The following SORCS3 variants were observed in gnomAD, a reference collection of about 807,000 sequenced individuals.
The protein encoded by SORCS3 is sortilin related VPS10 domain containing receptor 3, also known as VPS10 domain-containing receptor SorCS3.
In SORCS3, 57 loss-of-function variants were observed where a neutral mutation model predicts 146.3. That is an observed-to-expected ratio of 0.39 (90% confidence interval 0.31 to 0.49). The LOEUF (loss-of-function observed/expected upper bound fraction) is 0.49. Ranked by LOEUF, SORCS3 falls within the 20% of genes least tolerant of loss-of-function variation. The pLI, the probability that SORCS3 is intolerant of heterozygous loss-of-function variation, is 0.92. For synonymous variants in SORCS3, 653 were observed against 618.5 expected, an observed-to-expected ratio of 1.06 and a Z score of -0.83; for missense variants, 1,341 against 1,575.5, an observed-to-expected ratio of 0.85 and a Z score of 2.52.
chr10:104,878,696 A>G (rs755154679), intron 2 of SORCS3, among the ~76,000 whole-genome samples: 3 of 152,236 alleles, frequency 2.0e-5, no homozygotes, highest in Non-Finnish European at 2.9e-5. Context: ...CAATATTAGC[A>G]TGAAAAAATA....
Position 105,056,155 on chromosome 10 carries a change from G to A in SORCS3, c.1028+13027G>A, listed in dbSNP as rs1468902287. 7.1e-4 allele frequency among the ~76,000 whole-genome samples: 108 copies of A among 152,318 alleles called. 3 individuals carry two copies. The highest frequency in any genetic ancestry group is 1.5e-5 in the Non-Finnish European group (1 of 68,022). On this transcript the variant is annotated intron_variant, in intron 5 of 26. Coordinates refer to ENST00000369701, the MANE Select transcript of SORCS3 (RefSeq NM_014978.3). Reference sequence around the variant, plus strand: ...AAAGTGAAACAGATCCTTCTGGAAGGAAGAACAATTGGATCAAAGCTGAGG... The same window carrying A: ...AAAGTGAAACAGATCCTTCTGGAAGAAAGAACAATTGGATCAAAGCTGAGG...
intron 20 of SORCS3, among the ~76,000 whole-genome samples, chr10:105,229,312 A>T (rs893216193): frequency 2.0e-5 from 3 of 151,870 alleles, no homozygotes; most frequent in Non-Finnish European, 2.9e-5. Flanking sequence ...GCTTCTTTCA[A>T]ATCAATATTT....
intron 8 of SORCS3, among the ~76,000 whole-genome samples, chr10:105,144,949 A>G (rs921046955): frequency 2.6e-5 from 4 of 152,136 alleles, no homozygotes; most frequent in Admixed American, 6.6e-5. Flanking sequence ...AAGGTTATAT[A>G]TTTCAGAGTG....
chr10:104,875,149 C>A (rs942653578), intron 2 of SORCS3, among the ~76,000 whole-genome samples: 1 of 152,192 alleles, frequency 6.6e-6, no homozygotes, highest in Non-Finnish European at 1.5e-5. Flanking sequence ...AGCCTTCTAC[C>A]TACTCATTAC....
chr10:105,066,446 C>A (rs1367362842), intron 5 of SORCS3, among the ~76,000 whole-genome samples: 3 of 152,152 alleles, frequency 2.0e-5, no homozygotes, highest in African/African-American at 7.2e-5. Flanking sequence ...CAGGCTGGGG[C>A]ACCCCCTTCA....
chr10:104,929,967 C>A (rs1467794752), intron 3 of SORCS3, among the ~76,000 whole-genome samples: 11 of 152,150 alleles, frequency 7.2e-5, no homozygotes, highest in Admixed American at 7.2e-4. Context: ...AGGACAGTGA[C>A]TGATCCTAAA....
At chr10:105,083,139 A>G (rs1229971662) in intron 5 of SORCS3, among the ~76,000 whole-genome samples, 2 of 152,208 alleles carry the variant, frequency 1.3e-5, no homozygotes, top group Non-Finnish European at 2.9e-5. Context: ...CATTTAATTA[A>G]AAGTAGGAAT....
At chr10:104,916,977 C>T (rs1228832116) in intron 3 of SORCS3, among the ~76,000 whole-genome samples, 1 of 152,172 alleles carries the variant, frequency 6.6e-6, no homozygotes, top group Non-Finnish European at 1.5e-5. Flanking sequence ...TTACCTGAGC[C>T]ACTAGCAGAA....
chr10:105,068,689 G>T (rs1437432017), intron 5 of SORCS3, among the ~76,000 whole-genome samples: 1 of 152,142 alleles, frequency 6.6e-6, no homozygotes, highest in Admixed American at 6.5e-5. Context: ...AAATTTTGTG[G>T]CCAGTAATAA....
chr10:104,872,587 C>T (rs2018530116), intron 2 of SORCS3, among the ~76,000 whole-genome samples: 1 of 121,660 alleles, frequency 8.2e-6, no homozygotes, highest in African/African-American at 3.2e-5. Flanking sequence ...TTTTTGCAAA[C>T]ATCCCAAGAA....
rs768770378 is a variant in SORCS3 at position 105,262,488 on chromosome 10, A to T, written c.3601A>T (p.Ile1201Leu). 9.3e-6 allele frequency: 15 copies of T among 1,613,198 alleles called. No homozygotes were observed. Among genetic ancestry groups the T allele is most frequent in the Admixed American group, 1.7e-5 (1 of 59,948 alleles). The change falls in exon 26 of 27, where the codon ATA (isoleucine) becomes TTA (leucine). Residue 1201 changes from isoleucine (I) to leucine (L), a missense_variant. Ile to Leu is a conservative substitution (Grantham distance 5). Transcript: ENST00000369701. ...GGACAAAGAGCTGGACACGCGGGTC[A>T]TAGGTACATGCTCCTGCTCCACTAA... ...LLDKELDTRV[I>L]GGIATIANSE...
chr10:105,252,372 A>G (rs1448385641), intron 22 of SORCS3, among the ~76,000 whole-genome samples: 1 of 152,224 alleles, frequency 6.6e-6, no homozygotes, highest in African/African-American at 2.4e-5. Flanking sequence ...GGCTTTCTTT[A>G]AATTTGCATT....
At chr10:104,683,266 G>A (rs1175038105) in intron 1 of SORCS3, among the ~76,000 whole-genome samples, 1 of 152,214 alleles carries the variant, frequency 6.6e-6, no homozygotes, top group Non-Finnish European at 1.5e-5. Context: ...TAGGAAGTTT[G>A]AGTACAAGTC....
chr10:104,696,246 ATG>A lies in SORCS3; in HGVS notation c.627+54293_627+54294del, dbSNP rs1369247739. ...TATATAATATATATCATATACACAT[ATG>A]ATATATGATATATATCATATACACA... On this transcript the variant is annotated intron_variant, in intron 1 of 26. Coordinates refer to ENST00000369701, the MANE Select transcript of SORCS3 (RefSeq NM_014978.3). Among the ~76,000 whole-genome samples the A allele has an allele frequency of 1.8e-4, 22 of 123,672 alleles. 6 individuals carry two copies. The highest frequency in any genetic ancestry group is 3.4e-4 in the Non-Finnish European group (22 of 63,886). The allele number at this position is 123,672 out of a possible 152,430, so 81.1% of individuals were successfully genotyped here. A position where few individuals can be genotyped will look rare whatever the true frequency, so the allele number is the denominator to read the frequency against.
In SORCS3 at chr10:105,201,164, T is replaced by C. The variant is rs775728813; in HGVS notation, c.2172T>C (p.Arg724=). ...VMGERKIFKK[R]KPGAQCALGR... The stretch of plus-strand genomic sequence containing the variant: ...GAGAAAGGAAAATATTCAAGAAACG[T>C]AAGCCAGGAGCTCAGTGTGCCCTGG... Residue 724 remains arginine, a synonymous_variant, in exon 16 of 27, where the codon CGT becomes CGC. Coordinates refer to ENST00000369701, the MANE Select transcript of SORCS3 (RefSeq NM_014978.3). The C allele has an allele frequency of 5.8e-5, 93 of 1,612,930 alleles. No individual in the cohort carries two copies. In the Middle Eastern group the frequency reaches 6.6e-4, roughly 11 times the overall value.
intron 4 of SORCS3, among the ~76,000 whole-genome samples, chr10:105,011,313 A>G (rs941183402): frequency 3.9e-5 from 6 of 152,148 alleles, no homozygotes; most frequent in Non-Finnish European, 8.8e-5. Flanking sequence ...ACCTTCACCA[A>G]AGATTCCTCA....
intron 4 of SORCS3, among the ~76,000 whole-genome samples, chr10:105,022,406 T>A (rs1353067931): frequency 1.3e-5 from 2 of 151,386 alleles, no homozygotes; most frequent in African/African-American, 4.9e-5. Flanking sequence ...CAAGCGATTC[T>A]ACTGCCTCAG....
chr10:105,001,556 T>C (rs951595674), intron 4 of SORCS3, among the ~76,000 whole-genome samples: 4 of 152,174 alleles, frequency 2.6e-5, no homozygotes, highest in African/African-American at 9.7e-5. Context: ...TTCCTTGAAA[T>C]AGCACTTTCC....
intron 23 of SORCS3, among the ~76,000 whole-genome samples, chr10:105,254,016 C>T (rs766778866): frequency 3.3e-5 from 5 of 152,254 alleles, no homozygotes; most frequent in African/African-American, 1.2e-4. Flanking sequence ...GCGCATACAG[C>T]GAGATAAGAG....
Sources: allele counts gnomAD v4.1 joint callset (sites outside exome capture counted in the v4.1 genomes callset), GRCh38; gene constraint gnomAD v4.1.1; transcripts MANE v1.5; gene names NCBI Gene and HGNC (gene_info 2026-07-23, HGNC 2026-07-21).